METTL15: variants seen among roughly 807,000 people sequenced by gnomAD.
METTL15 encodes the protein 12S rRNA N(4)-cytidine methyltransferase METTL15.
Under a neutral mutation model 38.3 loss-of-function variants are expected in METTL15, and 34 were observed. The ratio of observed to expected loss-of-function variants is 0.89; its 90% CI spans 0.68 to 1.18. The LOEUF (loss-of-function observed/expected upper bound fraction) is 1.18, where lower values mean the gene tolerates loss of function less well. Ranked by LOEUF, METTL15 falls within the 50% of genes most tolerant of loss-of-function variation. The probability of loss-of-function intolerance (pLI) is 0.00; values close to 1 mark genes in which losing one functional copy is unlikely to be tolerated. For missense variants in METTL15, 438 were observed against 498.4 expected, an observed-to-expected ratio of 0.88 and a Z score of 1.15; for synonymous variants, 162 against 170.9, an observed-to-expected ratio of 0.95 and a Z score of 0.41.
intron 4 of METTL15, among the ~76,000 whole-genome samples, chr11:28,277,901 G>C (rs192276003): frequency 6.6e-6 from 1 of 152,116 alleles, no homozygotes; most frequent in African/African-American, 2.4e-5. Context: ...AGGTGACTGC[G>C]TTGGGGAGGA....
chr11:28,154,362 A>G (rs188995910), intron 3 of METTL15, among the ~76,000 whole-genome samples: 117 of 152,122 alleles, frequency 7.7e-4, no homozygotes, highest in Non-Finnish European at 1.3e-3. Context: ...AATCTTAACA[A>G]TTTGTAGTTT....
intron 5 of METTL15, among the ~76,000 whole-genome samples, chr11:28,389,506 T>G (rs1162943294): frequency 6.6e-6 from 1 of 151,414 alleles, no homozygotes; most frequent in African/African-American, 2.4e-5. Context: ...CTTGCGATAG[T>G]TTACTGAGAA....
At chr11:28,175,548 GT>G (rs2133772067) in intron 3 of METTL15, among the ~76,000 whole-genome samples, 1 of 152,206 alleles carries the variant, frequency 6.6e-6, no homozygotes, top group South Asian at 2.1e-4. Context: ...GGTTGAACTA[GT>G]TTACATGAAT....
intron 3 of METTL15, among the ~76,000 whole-genome samples, chr11:28,183,309 T>C (rs1851365528): frequency 6.6e-6 from 1 of 152,112 alleles, no homozygotes; most frequent in Admixed American, 6.6e-5. Flanking sequence ...ATAGGAGTGG[T>C]GACAGAGGGC....
At chr11:28,271,220 A>G (rs1855626487) in intron 4 of METTL15, among the ~76,000 whole-genome samples, 1 of 152,150 alleles carries the variant, frequency 6.6e-6, no homozygotes, top group South Asian at 2.1e-4. Flanking sequence ...ATACCCTTAC[A>G]ATAAATATTT....
At chr11:28,183,784 G>A (rs1031807877) in intron 3 of METTL15, among the ~76,000 whole-genome samples, 1 of 152,066 alleles carries the variant, frequency 6.6e-6, no homozygotes, top group Non-Finnish European at 1.5e-5. Context: ...AAATGAGTTA[G>A]GGAGGATTCC....
intron 3 of METTL15, among the ~76,000 whole-genome samples, chr11:28,202,611 A>G (rs946233859): frequency 1.3e-5 from 2 of 151,566 alleles, no homozygotes; most frequent in African/African-American, 4.8e-5. Flanking sequence ...TTACCTCCTG[A>G]AAAAAAAATC....
chr11:28,182,403 T>C lies in METTL15; in HGVS notation c.271-28659T>C, dbSNP rs780071054. Reference sequence around the variant, plus strand: ...TATGGTTTTAGGTCTTATGTTTAAATCTTTAATCCATCTTGAGTTGATTTT... The same window carrying C: ...TATGGTTTTAGGTCTTATGTTTAAACCTTTAATCCATCTTGAGTTGATTTT... On this transcript the variant is annotated intron_variant, in intron 3 of 6. Transcript: ENST00000407364. Among the ~76,000 whole-genome samples the C allele has an allele frequency of 3.3e-5, 5 of 152,314 alleles. No individual in the cohort carries two copies. In the South Asian group the frequency reaches 8.3e-4, roughly 25 times the overall value.
chr11:28,468,777 T>G lies in METTL15; in HGVS notation c.*424+44413T>G, dbSNP rs1310179802. ...GTCTTAGCACACAATTTACATATGA[T>G]TCCAGGGCTCTACCTCACTTAATTG... On this transcript the variant is annotated intron_variant and NMD_transcript_variant, in intron 6 of 7. Transcript: ENST00000532947. 2.0e-5 allele frequency among the ~76,000 whole-genome samples: 3 copies of G among 152,110 alleles called. No individual in the cohort carries two copies. The East Asian group carries it at 5.8e-4, about 29-fold the overall frequency.
intron 5 of METTL15, among the ~76,000 whole-genome samples, chr11:28,387,043 A>T (rs1157893154): frequency 1.3e-5 from 2 of 151,970 alleles, no homozygotes; most frequent in Non-Finnish European, 2.9e-5. Context: ...AACTTATAGG[A>T]TCCAGCAAAT....
intron 5 of METTL15, among the ~76,000 whole-genome samples, chr11:28,408,307 A>G (rs1850692464): frequency 6.6e-6 from 1 of 152,140 alleles, no homozygotes; most frequent in Admixed American, 6.5e-5. Flanking sequence ...GAATCCCAGA[A>G]TGTAAAATAT....
intron 5 of METTL15, among the ~76,000 whole-genome samples, chr11:28,380,432 C>G (rs574829538): frequency 1.6e-4 from 24 of 152,172 alleles, no homozygotes; most frequent in African/African-American, 5.8e-4. Flanking sequence ...CCTCCCAACA[C>G]TTTATGCCTT....
At chr11:28,183,271 C>G (rs1248734270) in intron 3 of METTL15, among the ~76,000 whole-genome samples, 1 of 152,066 alleles carries the variant, frequency 6.6e-6, no homozygotes, top group African/African-American at 2.4e-5. Flanking sequence ...CCTGATTACC[C>G]TGGCCAGAAC....
intron 5 of METTL15, among the ~76,000 whole-genome samples, chr11:28,402,637 A>C (rs957646581): frequency 6.6e-6 from 1 of 151,778 alleles, no homozygotes; most frequent in Non-Finnish European, 1.5e-5. Flanking sequence ...AACTTTTTTT[A>C]ATTTTAATTT....
intron 6 of METTL15, among the ~76,000 whole-genome samples, chr11:28,303,417 G>A (rs568513181): frequency 2.6e-5 from 4 of 152,066 alleles, no homozygotes; most frequent in South Asian, 2.1e-4. Context: ...AATCAAAGAA[G>A]TATACCAGTC....
chr11:28,364,441 C>G (rs1850168045), intron 5 of METTL15, among the ~76,000 whole-genome samples: 1 of 152,120 alleles, frequency 6.6e-6, no homozygotes, highest in Admixed American at 6.6e-5. Context: ...TTCCTCATAG[C>G]TATTGTAAAT....
chr11:28,247,009 A>G (rs1854541745), intron 4 of METTL15, among the ~76,000 whole-genome samples: 1 of 152,198 alleles, frequency 6.6e-6, no homozygotes, highest in East Asian at 1.9e-4. Context: ...TGAACTATAA[A>G]TGCTATACTT....
intron 5 of METTL15, among the ~76,000 whole-genome samples, chr11:28,419,366 A>C (rs1203494560): frequency 2.0e-5 from 3 of 152,190 alleles, no homozygotes; most frequent in Non-Finnish European, 4.4e-5. Flanking sequence ...GGTAATCTAT[A>C]AAATTCTTCC....
At chr11:28,201,028 T>C (rs1358071935) in intron 3 of METTL15, among the ~76,000 whole-genome samples, 1 of 152,156 alleles carries the variant, frequency 6.6e-6, no homozygotes, top group Non-Finnish European at 1.5e-5. Flanking sequence ...GCCCATTCAA[T>C]ATGATGTTGG....
Sources: gnomAD v4.1 joint callset for allele counts (sites outside exome capture counted in the v4.1 genomes callset) on GRCh38, gnomAD v4.1.1 for gene constraint, MANE v1.5 for transcripts, NCBI Gene and HGNC (gene_info 2026-07-23, HGNC 2026-07-21) for gene names.